Variants in RGL1 observed in about 807,000 individuals in gnomAD.
The protein encoded by RGL1 is ral guanine nucleotide dissociation stimulator-like 1.
Under a neutral mutation model 95.2 loss-of-function variants are expected in RGL1, and 24 were observed. The ratio of observed to expected loss-of-function variants is 0.25; its 90% confidence interval spans 0.18 to 0.35. The LOEUF (loss-of-function observed/expected upper bound fraction) is 0.35, where lower values mean the gene tolerates loss of function less well. Among genes scored for constraint, RGL1 ranks in the 10% least tolerant of loss-of-function variants. The probability of loss-of-function intolerance (pLI) is 1.00; values close to 1 mark genes in which losing one functional copy is unlikely to be tolerated. For synonymous variants in RGL1, 329 were observed against 344.9 expected (o/e 0.95, Z 0.51); for missense variants, 715 against 936.3 (o/e 0.76, Z 3.08).
intron 2 of RGL1, among the ~76,000 whole-genome samples, chr1:183,784,395 G>A (rs1427826329): frequency 1.3e-5 from 2 of 152,186 alleles, no homozygotes; most frequent in Non-Finnish European, 2.9e-5. Context: ...GCTATGCTCA[G>A]GTTCATGGGC....
At chr1:183,920,863 C>T (rs762792981) in intron 16 of RGL1, among the ~76,000 whole-genome samples, 1 of 152,198 alleles carries the variant, frequency 6.6e-6, no homozygotes, top group Non-Finnish European at 1.5e-5. Flanking sequence ...TATGGAATCA[C>T]AAACACCAGC....
At position 183,782,714 on chromosome 1, in the gene RGL1, G is replaced by A. The variant is rs79478647; in HGVS notation, c.133-23661G>A. ...TAATGTGCTCTAGGTACCATGCAGG[G>A]ATTTGGTGAGATTGCTGTCATATTT... is the stretch of plus-strand genomic sequence containing the variant. On this transcript the variant is annotated intron_variant, in intron 2 of 18. Transcript: ENST00000304685. Among the ~76,000 whole-genome samples, 25 of 152,320 alleles carry A rather than the reference G, an allele frequency of 1.6e-4. No homozygotes were observed. The East Asian group carries it at 4.2e-3, about 26-fold the overall frequency.
At chr1:183,717,627 C>G (rs1207797913) in intron 1 of RGL1, among the ~76,000 whole-genome samples, 1 of 152,054 alleles carries the variant, frequency 6.6e-6, no homozygotes, top group Non-Finnish European at 1.5e-5. Context: ...AATTCTATAG[C>G]AAAGGTGAAA....
At chr1:183,836,638 T>G (rs1663679872) in intron 2 of RGL1, among the ~76,000 whole-genome samples, 1 of 152,174 alleles carries the variant, frequency 6.6e-6, no homozygotes, top group African/African-American at 2.4e-5. Context: ...TGCCCTAGGT[T>G]TGATCACCTA....
intron 9 of RGL1, among the ~76,000 whole-genome samples, chr1:183,895,651 A>G (rs992334262): frequency 4.6e-5 from 7 of 152,322 alleles, no homozygotes; most frequent in Admixed American, 2.6e-4. Flanking sequence ...ACAAAAACCT[A>G]TGAAAACTTT....
At chr1:183,800,554 C>T (rs190640459), upstream of RGL1, among the ~76,000 whole-genome samples, 156 of 152,296 alleles carry the variant, frequency 1.0e-3, 1 homozygote, top group African/African-American at 3.6e-3. Flanking sequence ...AGCAGATTTT[C>T]GTGTGTACAG....
intron 1 of RGL1, among the ~76,000 whole-genome samples, chr1:183,638,009 C>A (rs1049359494): frequency 1.4e-4 from 21 of 151,906 alleles, no homozygotes; most frequent in Middle Eastern, 3.2e-3. Flanking sequence ...CAAGATTTTT[C>A]TTTGAAGAGA....
chr1:183,830,416 T>G (rs1663180618), intron 2 of RGL1, among the ~76,000 whole-genome samples: 1 of 152,226 alleles, frequency 6.6e-6, no homozygotes, highest in African/African-American at 2.4e-5. Flanking sequence ...GCCTCACAAG[T>G]AAATTTCTTG....
intron 1 of RGL1, among the ~76,000 whole-genome samples, chr1:183,739,870 C>A (rs1032423497): frequency 2.6e-5 from 4 of 152,192 alleles, no homozygotes; most frequent in Non-Finnish European, 5.9e-5. Context: ...TTCACCCACA[C>A]TGTGGAGATG....
At chr1:183,816,615 A>G (rs1257239497) in intron 2 of RGL1, among the ~76,000 whole-genome samples, 1 of 152,224 alleles carries the variant, frequency 6.6e-6, no homozygotes, top group East Asian at 1.9e-4. Flanking sequence ...GTTAATGTGT[A>G]TAAAAGTATT....
chr1:183,885,547 G>A (rs1667062047), intron 7 of RGL1, among the ~76,000 whole-genome samples: 1 of 152,196 alleles, frequency 6.6e-6, no homozygotes, highest in African/African-American at 2.4e-5. Context: ...TTGGAGTCTA[G>A]TCTCTTGGAT....
intron 1 of RGL1, among the ~76,000 whole-genome samples, chr1:183,659,801 C>G (rs1044708578): frequency 3.3e-5 from 5 of 151,510 alleles, no homozygotes; most frequent in South Asian, 2.1e-4. Flanking sequence ...TAAGGGCAGC[C>G]AGAGAGAAAG....
At position 183,923,904 on chromosome 1, in the gene RGL1, C is replaced by T. The variant is rs1033575349; in HGVS notation, c.2119+1568C>T. Reference sequence around the variant, plus strand: ...CAATGTTTGAAGTTAACTTAAGACTCAATTTGTCCAGTTTTACAACCATAT... The same window carrying T: ...CAATGTTTGAAGTTAACTTAAGACTTAATTTGTCCAGTTTTACAACCATAT... On this transcript the variant is annotated intron_variant, in intron 17 of 17. Coordinates refer to ENST00000360851, the MANE Select transcript of RGL1 (RefSeq NM_001297671.3). Among the ~76,000 whole-genome samples, 4 of 152,306 alleles carry T rather than the reference C, an allele frequency of 2.6e-5. No individual in the cohort carries two copies. In the South Asian group the frequency reaches 6.2e-4, roughly 24 times the overall value.
rs67225177 is a variant in RGL1, at chr1:183,744,314, C to CT, written c.132+2039dup. On this transcript the variant is annotated intron_variant, in intron 2 of 18. Transcript: ENST00000304685. ...TATAGGGATATACTTGCACAACAGA[C>CT]TTTTTTTTTTTTTTAAAGAAATAAA... Among the ~76,000 whole-genome samples, 370 of 148,276 alleles carry CT rather than the reference C, an allele frequency of 2.5e-3. 2 individuals are homozygous for CT. The highest frequency in any genetic ancestry group is 0.01 in the Middle Eastern group (3 of 286).
chr1:183,654,411 G>A (rs1194135293), intron 1 of RGL1, among the ~76,000 whole-genome samples: 2 of 152,160 alleles, frequency 1.3e-5, no homozygotes, highest in African/African-American at 2.4e-5. Context: ...AATCCTCATA[G>A]CTCATCTTTT....
intron 1 of RGL1, chr1:183,647,805 G>A (rs1650405472): frequency 6.2e-7 from 1 of 1,614,170 alleles, no homozygotes; most frequent in Non-Finnish European, 8.5e-7. Context: ...TTCCTGGAAT[G>A]ACATTTGAGG....
At chr1:183,768,228 T>G (rs894521724) in intron 2 of RGL1, among the ~76,000 whole-genome samples, 3 of 152,042 alleles carry the variant, frequency 2.0e-5, no homozygotes, top group Non-Finnish European at 4.4e-5. Context: ...TTGTCTTAAA[T>G]TCTCTTTATT....
At chr1:183,833,754 A>G (rs1236660970) in intron 2 of RGL1, among the ~76,000 whole-genome samples, 2 of 152,218 alleles carry the variant, frequency 1.3e-5, no homozygotes, top group African/African-American at 4.8e-5. Flanking sequence ...CTTACAAATG[A>G]ATAATAGAAT....
intron 1 of RGL1, among the ~76,000 whole-genome samples, chr1:183,715,871 C>T (rs1655594729): frequency 6.6e-6 from 1 of 152,092 alleles, no homozygotes; most frequent in African/African-American, 2.4e-5. Context: ...AAGCTGGAGA[C>T]TCAGGAGAGC....
Sources: gnomAD v4.1 joint callset for allele counts (sites outside exome capture counted in the v4.1 genomes callset) on GRCh38, gnomAD v4.1.1 for gene constraint, MANE v1.5 for transcripts, NCBI Gene and HGNC (gene_info 2026-07-23, HGNC 2026-07-21) for gene names.